The following PDLIM7 variants were observed in gnomAD, a reference collection of about 807,000 sequenced individuals.
The protein encoded by PDLIM7 is PDZ and LIM domain protein 7.
Under a neutral mutation model 53.9 loss-of-function variants are expected in PDLIM7, and 37 were observed. The ratio of observed to expected loss-of-function variants is 0.69; its 90% CI spans 0.53 to 0.90. The LOEUF (loss-of-function observed/expected upper bound fraction) is 0.90, where lower values mean the gene tolerates loss of function less well. PDLIM7 is among the 40% of genes least tolerant of loss of function. The pLI is 0.00. For missense variants in PDLIM7, 617 were observed against 638.5 expected, an observed-to-expected ratio of 0.97 and a Z score of 0.36; for synonymous variants, 300 against 261.3, an observed-to-expected ratio of 1.15 and a Z score of -1.43.
Position 177,489,460 on chromosome 5 carries a change from C to T in PDLIM7, c.802G>A (p.Gly268Arg). 1 of 1,604,798 alleles carries T rather than the reference C, an allele frequency of 6.2e-7. No individual in the cohort carries two copies. Among genetic ancestry groups the T allele is most frequent in the East Asian group, 2.2e-5 (1 of 44,602 alleles). ...RTSIVQAAAG[G>R]VPGGGSNNGK... ...TTGTTGCTGCCCCCTCCTGGCACCC[C>T]TCCGGCAGCTGCCTGCACAATGGAG... The change falls in exon 9 of 13, where the codon GGG (glycine) becomes AGG (arginine). Residue 268 changes from glycine to arginine, a missense_variant. Gly to Arg is a moderately radical substitution (Grantham distance 125). Transcript: ENST00000355841.
intron 5 of PDLIM7, 158 bp from the exon 6 acceptor site, chr5:177,491,304 G>T: frequency 6.8e-7 from 1 of 1,462,602 alleles, no homozygotes; most frequent in Non-Finnish European, 9.4e-7. Flanking sequence ...GAGAGGACAG[G>T]AGGGCGAAGT....
Position 177,488,974 on chromosome 5 carries a change from C to T in PDLIM7, c.869+419G>A, listed in dbSNP as rs1301244748. On this transcript the variant is annotated intron_variant, in intron 9 of 12. Coordinates refer to ENST00000355841, the MANE Select transcript of PDLIM7 (RefSeq NM_005451.5). The stretch of plus-strand genomic sequence containing the variant: ...GGCTCTAGAATCCGGCACGCTGATG[C>T]TGGGGGGTGTTTGATGCTGCTTGGC... 2.0e-5 allele frequency among the ~76,000 whole-genome samples: 3 copies of T among 151,914 alleles called. No individual in the cohort carries two copies. The East Asian group carries it at 5.8e-4, about 29-fold the overall frequency.
At chr5:177,490,655 G>A (rs1405394308) in intron 7 of PDLIM7, 2 of 1,148,696 alleles carry the variant, frequency 1.7e-6, no homozygotes, top group African/African-American at 3.1e-5. Flanking sequence ...GGGAGGCAGG[G>A]AGGGAGGAGG....
intron 2 of PDLIM7, among the ~76,000 whole-genome samples, chr5:177,495,404 CG>C (rs1451203346): frequency 6.6e-6 from 1 of 152,210 alleles, no homozygotes; most frequent in Non-Finnish European, 1.5e-5. Flanking sequence ...CCTGCCCACC[CG>C]GCGCCTGGGT....
intron 8 of PDLIM7, 63 bp from the exon 9 acceptor site, chr5:177,489,690 A>C: frequency 6.7e-7 from 1 of 1,489,770 alleles, no homozygotes; most frequent in Non-Finnish European, 8.9e-7. Flanking sequence ...GTGGAGCCCC[A>C]GGCAGCTGAG....
chr5:177,491,786 G>T, intron 5 of PDLIM7, 21 bp downstream of exon 5: 2 of 1,154,786 alleles, frequency 1.7e-6, no homozygotes, highest in Non-Finnish European at 2.2e-6. Context: ...CGTGGGCGCG[G>T]GCGGGCAGGG....
chr5:177,486,866 C>T (rs1268505308), intron 10 of PDLIM7, among the ~76,000 whole-genome samples: 6 of 147,054 alleles, frequency 4.1e-5, no homozygotes, highest in Admixed American at 1.4e-4. Flanking sequence ...CTCCTGACCT[C>T]GTGATCCGCC....
At position 177,496,530 on chromosome 5, in the gene PDLIM7, G is replaced by A. The variant is rs536460972; in HGVS notation, c.-11-7C>T. The A allele has an allele frequency of 1.3e-6, 2 of 1,565,582 alleles. No homozygotes were observed. Among genetic ancestry groups the A allele is most frequent in the South Asian group, 1.2e-5 (1 of 84,818 alleles). The stretch of plus-strand genomic sequence containing the variant: ...GAATCCATGATGCCGGCTCCTGAGA[G>A]GAGAGAAGAGAAGGTGAGTGGCCAG... On this transcript the variant is annotated splice_polypyrimidine_tract_variant and splice_region_variant and intron_variant, in intron 1 of 12. Coordinates refer to ENST00000355841, the MANE Select transcript of PDLIM7 (RefSeq NM_005451.5).
chr5:177,496,677 G>A (rs1325788727), intron 1 of PDLIM7, 154 bp from the exon 2 acceptor site: 2 of 462,900 alleles, frequency 4.3e-6, no homozygotes, highest in Non-Finnish European at 7.6e-6. Flanking sequence ...ATTTTGTCAG[G>A]CTGGCCTGGG....
chr5:177,491,440 G>A (rs1037093151), intron 5 of PDLIM7: 35 of 1,543,554 alleles, frequency 2.3e-5, no homozygotes, highest in East Asian at 4.9e-5. Flanking sequence ...AAATAAGACA[G>A]ACAGACAGAT....
At chr5:177,490,255 G>T (rs1293185752) in intron 7 of PDLIM7, 2 of 1,447,478 alleles carry the variant, frequency 1.4e-6, no homozygotes, top group Middle Eastern at 2.5e-4. Flanking sequence ...GCAGGGCTGA[G>T]AATGTTTATT....
rs762261670 is a variant in PDLIM7, at chr5:177,492,362, G to A, written c.279+43C>T. 3.5e-5 allele frequency: 56 copies of A among 1,608,344 alleles called. No homozygotes were observed. In the East Asian group the frequency reaches 1.3e-3, roughly 36 times the overall value. ...AGGGCGAGCAGGCCTGGCCGTCCAA[G>A]CCCACACCGCCCACCGCCCGGATGT... is the stretch of plus-strand genomic sequence containing the variant. On this transcript the variant is annotated intron_variant, in intron 4 of 12. Transcript: ENST00000355841.
In PDLIM7 at chr5:177,485,943, G is replaced by A. The variant is rs550696665; in HGVS notation, c.1051-1753C>T. Among the ~76,000 whole-genome samples the A allele has an allele frequency of 7.2e-5, 11 of 152,292 alleles. No individual in the cohort carries two copies. The East Asian group carries it at 1.9e-3, about 27-fold the overall frequency. On this transcript the variant is annotated intron_variant, in intron 10 of 12. Transcript: ENST00000355841. Reference sequence around the variant, plus strand: ...CAAGGCTGCAGTGAGCAGTGATCATGCCACTGCACTCCAGCCTGGGCAACA... The same window carrying A: ...CAAGGCTGCAGTGAGCAGTGATCATACCACTGCACTCCAGCCTGGGCAACA...
rs1173769917 is a variant in PDLIM7, at chr5:177,491,136, G to T, written c.409C>A (p.Arg137=). The T allele has an allele frequency of 6.2e-7, 1 of 1,608,468 alleles. No individual in the cohort carries two copies. Among genetic ancestry groups the T allele is most frequent in the Non-Finnish European group, 8.5e-7 (1 of 1,177,232 alleles). ...TTGCTGGCATCTGGGACCAGCGGTC[G>T]GAGCGGCTGTCTGTGGGGAGGGTGT... The part of the protein sequence containing the change: ...SAPQQNGQPL[R]PLVPDASKQR... The change falls in exon 6 of 13, where the codon CGA becomes AGA. Residue 137 remains arginine, a synonymous_variant. Transcript: ENST00000355841.
intron 7 of PDLIM7, 56 bp downstream of exon 7, chr5:177,490,814 G>C: frequency 6.3e-7 from 1 of 1,593,190 alleles, no homozygotes; most frequent in Non-Finnish European, 8.6e-7. Flanking sequence ...ACACAGGGCA[G>C]TAGCTGGAAT....
chr5:177,491,254 G>T, intron 5 of PDLIM7, 108 bp from the exon 6 acceptor site: 2 of 1,443,394 alleles, frequency 1.4e-6, no homozygotes, highest in Non-Finnish European at 1.9e-6. Context: ...GGGAGGGAGT[G>T]GGTAAGGGTG....
rs188076908 is a variant in PDLIM7, at chr5:177,486,763, C to T, written c.1050+1305G>A. ...ACGCCATTCTCCTGCCTCAGCCTCCCGAGTAGCTGGGACTACTCCACCATG... is the reference window on the plus strand; with the variant it reads ...ACGCCATTCTCCTGCCTCAGCCTCCTGAGTAGCTGGGACTACTCCACCATG... On this transcript the variant is annotated intron_variant, in intron 10 of 12. Transcript: ENST00000355841. Among the ~76,000 whole-genome samples, 300 of 152,026 alleles carry T rather than the reference C, an allele frequency of 2.0e-3. 7 individuals are homozygous for T. The East Asian group carries it at 0.047, about 24-fold the overall frequency.
At position 177,483,567 on chromosome 5, in the gene PDLIM7, C is replaced by T; in HGVS notation, c.*77G>A. ...CAGGGTTAAGGCAACCATTGCCAGCCCTACCCAGAAATGCAGGGCCACGAC... is the reference window on the plus strand; with the variant it reads ...CAGGGTTAAGGCAACCATTGCCAGCTCTACCCAGAAATGCAGGGCCACGAC... On this transcript the variant is annotated 3_prime_UTR_variant, in exon 13 of 13. Coordinates refer to ENST00000355841, the MANE Select transcript of PDLIM7 (RefSeq NM_005451.5). 1 of 1,124,744 alleles carries T rather than the reference C, an allele frequency of 8.9e-7. No individual in the cohort carries two copies. Among genetic ancestry groups the T allele is most frequent in the East Asian group, 2.5e-5 (1 of 40,690 alleles). The allele number at this position is 1,124,744 out of a possible 1,614,324, so 69.7% of individuals were successfully genotyped here. A position where few individuals can be genotyped will look rare whatever the true frequency, so the allele number is the denominator to read the frequency against.
chr5:177,488,415 G>A (rs96656), intron 9 of PDLIM7, among the ~76,000 whole-genome samples, 167 bp from the exon 10 acceptor site: 84,527 of 152,086 alleles, frequency 0.56, 24,230 homozygotes, highest in African/African-American at 0.69. Context: ...CGTGGCAGCC[G>A]TGAAGCTTAC....
Sources: allele counts gnomAD v4.1 joint callset (sites outside exome capture counted in the v4.1 genomes callset), GRCh38; gene constraint gnomAD v4.1.1; transcripts MANE v1.5; gene names NCBI Gene and HGNC (gene_info 2026-07-23, HGNC 2026-07-21).